ATF7IP2: variants seen among roughly 807,000 people sequenced by gnomAD.
ATF7IP2 encodes the protein activating transcription factor 7-interacting protein 2.
A neutral mutation model predicts 64.2 loss-of-function variants in ATF7IP2; 42 were observed. The observed-to-expected ratio is 0.65, with a 90% CI of 0.51 to 0.85. The LOEUF (loss-of-function observed/expected upper bound fraction) is 0.85. Ranked by LOEUF, ATF7IP2 falls within the 40% of genes least tolerant of loss-of-function variation. ATF7IP2 has a pLI of 0.00. For synonymous variants in ATF7IP2, 308 were observed against 272.8 expected (o/e 1.13, Z -1.27); for missense variants, 933 against 784.2 (o/e 1.19, Z -2.27).
At chr16:10,437,055 C>CA (rs2048444306) in intron 6 of ATF7IP2, among the ~76,000 whole-genome samples, 1 of 148,480 alleles carries the variant, frequency 6.7e-6, no homozygotes, top group South Asian at 2.1e-4. Context: ...GAGTCTCGCT[C>CA]AATCACCCAG....
intron 1 of ATF7IP2, among the ~76,000 whole-genome samples, chr16:10,406,971 A>G (rs577963139): frequency 6.6e-6 from 1 of 152,346 alleles, no homozygotes; most frequent in East Asian, 1.9e-4. Context: ...ACAGACCAAT[A>G]TGAGTATTGA....
intron 1 of ATF7IP2, among the ~76,000 whole-genome samples, chr16:10,409,381 A>G (rs1178578729): frequency 6.6e-6 from 1 of 152,220 alleles, no homozygotes; most frequent in Non-Finnish European, 1.5e-5. Context: ...TAAGGAAGTT[A>G]ACAAGCTAAA....
chr16:10,448,825 G>C (rs1419345909), intron 8 of ATF7IP2: 7 of 152,062 alleles, frequency 4.6e-5, no homozygotes. Flanking sequence ...GATTGCCCTG[G>C]CCAGAACTTC....
chr16:10,476,091 GT>G (rs1462427541), intron 12 of ATF7IP2, among the ~76,000 whole-genome samples: 1 of 152,192 alleles, frequency 6.6e-6, no homozygotes, highest in Non-Finnish European at 1.5e-5. Context: ...ATATTCAGCT[GT>G]TGGCTAAAAA....
intron 1 of ATF7IP2, among the ~76,000 whole-genome samples, chr16:10,398,006 T>C (rs1430047066): frequency 1.3e-5 from 2 of 152,008 alleles, no homozygotes; most frequent in Non-Finnish European, 2.9e-5. Flanking sequence ...GGATGACTTA[T>C]CAAAAATGAA....
At chr16:10,434,136 C>T (rs544923968) in intron 6 of ATF7IP2, among the ~76,000 whole-genome samples, 7 of 152,288 alleles carry the variant, frequency 4.6e-5, no homozygotes, top group East Asian at 1.9e-4. Context: ...CAAACTTAAA[C>T]GGATATGGTA....
chr16:10,479,170 T>G (rs1338022751), intron 12 of ATF7IP2, among the ~76,000 whole-genome samples: 1 of 148,402 alleles, frequency 6.7e-6, no homozygotes, highest in Admixed American at 6.7e-5. Context: ...CAAAGGACTA[T>G]AAATCATGCT....
chr16:10,410,352 G>A (rs564582546), intron 1 of ATF7IP2, among the ~76,000 whole-genome samples: 56 of 129,984 alleles, frequency 4.3e-4, no homozygotes, highest in African/African-American at 1.6e-3. Context: ...GTTTTGTTTT[G>A]TTTTGTTTTT....
chr16:10,473,432 C>A, intron 10 of ATF7IP2, 47 bp from the exon 11 acceptor site: 1 of 1,143,676 alleles, frequency 8.7e-7, no homozygotes, highest in East Asian at 2.4e-5. Flanking sequence ...TTCACAAAGC[C>A]CATAAATATT....
At chr16:10,480,499 G>A (rs1003133749) in intron 12 of ATF7IP2, among the ~76,000 whole-genome samples, 4 of 151,730 alleles carry the variant, frequency 2.6e-5, no homozygotes, top group Non-Finnish European at 5.9e-5. Flanking sequence ...CAACCCACAT[G>A]ATTTTTAGTT....
At chr16:10,474,376 G>A (rs2049927370) in intron 12 of ATF7IP2, among the ~76,000 whole-genome samples, 1 of 152,200 alleles carries the variant, frequency 6.6e-6, no homozygotes, top group African/African-American at 2.4e-5. Context: ...AGCCCGTGGT[G>A]TGGATGCATC....
At chr16:10,471,929 G>A (rs925882746) in intron 9 of ATF7IP2, 181 bp from the exon 10 acceptor site, 13 of 410,180 alleles carry the variant, frequency 3.2e-5, no homozygotes, top group East Asian at 1.5e-4. Flanking sequence ...GTCATATAAC[G>A]GAACTGGTAA....
At chr16:10,424,221 A>C (rs1596476345) in intron 3 of ATF7IP2, among the ~76,000 whole-genome samples, 1 of 152,162 alleles carries the variant, frequency 6.6e-6, no homozygotes, top group African/African-American at 2.4e-5. Context: ...TGGTAAACCA[A>C]CAACCTTCAG....
chr16:10,394,925 A>G (rs1246510823), intron 1 of ATF7IP2, among the ~76,000 whole-genome samples: 2 of 152,142 alleles, frequency 1.3e-5, no homozygotes, highest in Non-Finnish European at 2.9e-5. Context: ...AGACCTTTTA[A>G]GAAAAACTGG....
intron 1 of ATF7IP2, among the ~76,000 whole-genome samples, chr16:10,390,733 G>A (rs1390353737): frequency 6.6e-6 from 1 of 152,118 alleles, no homozygotes. Flanking sequence ...AGGTTGCAGT[G>A]AGCTGTGTTC....
At chr16:10,414,394 C>G (rs539733494) in intron 1 of ATF7IP2, among the ~76,000 whole-genome samples, 180 bp from the exon 2 acceptor site, 1 of 152,078 alleles carries the variant, frequency 6.6e-6, no homozygotes, top group African/African-American at 2.4e-5. Context: ...TTTTGCATTT[C>G]TATAAATGTG....
rs764342084 is a variant in ATF7IP2 at position 10,431,135 on chromosome 16, G to A, written c.515G>A (p.Ser172Asn). 5.0e-6 allele frequency: 8 copies of A among 1,614,134 alleles called. No homozygotes were observed. Among genetic ancestry groups the A allele is most frequent in the Non-Finnish European group, 5.1e-6 (6 of 1,180,018 alleles). The change falls in exon 5 of 14, where the codon AGT (serine) becomes AAT (asparagine). Residue 172 changes from serine (S) to asparagine (N), a missense_variant. Transcript: ENST00000562102. ...CTAAAGTCCAGTTGCTGTCCACCCAGTGTATTGAGTGGTGTTGTTCAGATG... is the reference window on the plus strand; with the variant it reads ...CTAAAGTCCAGTTGCTGTCCACCCAATGTATTGAGTGGTGTTGTTCAGATG... ...CSLKSSCCPP[S>N]VLSGVVQMPE... is the part of the protein sequence containing the mutation.
chr16:10,442,558 C>T (rs990530626), intron 8 of ATF7IP2, among the ~76,000 whole-genome samples: 2 of 152,138 alleles, frequency 1.3e-5, no homozygotes, highest in Non-Finnish European at 2.9e-5. Context: ...TTCCATTTAC[C>T]AAACCACCTT....
chr16:10,420,657 C>G (rs1320452450), intron 3 of ATF7IP2, among the ~76,000 whole-genome samples: 1 of 152,324 alleles, frequency 6.6e-6, no homozygotes, highest in South Asian at 2.1e-4. Context: ...AGGGTGCATT[C>G]TACTCCTAAC....
Sources: gnomAD v4.1 joint callset for allele counts (sites outside exome capture counted in the v4.1 genomes callset) on GRCh38, gnomAD v4.1.1 for gene constraint, MANE v1.5 for transcripts, NCBI Gene and HGNC (gene_info 2026-07-23, HGNC 2026-07-21) for gene names.